GPR78: variants seen among roughly 807,000 people sequenced by gnomAD.
GPR78 encodes the protein G protein-coupled receptor 78.
Under a neutral mutation model 17.9 loss-of-function variants are expected in GPR78, and 29 were observed. That is an observed-to-expected ratio of 1.62 (90% confidence interval 1.20 to 2.21). The LOEUF is 2.21. Ranked by LOEUF, GPR78 falls within the 30% of genes most tolerant of loss-of-function variation. GPR78 has a pLI of 0.00. For synonymous variants in GPR78, 349 were observed against 256.9 expected, an observed-to-expected ratio of 1.36 and a Z score of -3.43; for missense variants, 649 against 530.5, an observed-to-expected ratio of 1.22 and a Z score of -2.19.
intron 1 of GPR78, among the ~76,000 whole-genome samples, chr4:8,582,099 C>G (rs1028809159): frequency 4.6e-5 from 7 of 152,162 alleles, no homozygotes; most frequent in Admixed American, 4.6e-4. Flanking sequence ...TCCTGAATCT[C>G]TAGCTGGTGT....
In GPR78 at chr4:8,587,239, A is replaced by C. The variant is rs772087532; in HGVS notation, c.968A>C (p.His323Pro). ...LKRTPRPAST[H>P]DSSLDVAGMV... Reference sequence around the variant, plus strand: ...AGAACCCCGCGCCCAGCATCCACCCATGACAGCTCTCTGGATGTGGCCGGC... The same window carrying C: ...AGAACCCCGCGCCCAGCATCCACCCCTGACAGCTCTCTGGATGTGGCCGGC... The change falls in exon 3 of 3, where the codon CAT becomes CCT. Residue 323 changes from histidine (H) to proline (P), a missense_variant. Physicochemically the swap from His to Pro is moderately conservative, Grantham distance 77 (BLOSUM62 -2). Coordinates refer to ENST00000382487, the MANE Select transcript of GPR78 (RefSeq NM_080819.5). 6.2e-7 allele frequency: 1 copy of C among 1,606,380 alleles called. No homozygotes were observed. The highest frequency in any genetic ancestry group is 8.5e-7 in the Non-Finnish European group (1 of 1,174,688).
At chr4:8,581,701 C>T (rs1713298008) in intron 1 of GPR78, 51 bp downstream of exon 1, 2 of 1,368,612 alleles carry the variant, frequency 1.5e-6, no homozygotes, top group Non-Finnish European at 1.9e-6. Context: ...TTGGGCGCTC[C>T]CTGGGCAGTT....
chr4:8,582,843 C>T, intron 2 of GPR78, 199 bp downstream of exon 2: 1 of 572,140 alleles, frequency 1.7e-6, no homozygotes, highest in Admixed American at 3.0e-5. Context: ...TGGCTCCCAT[C>T]CTGTCCTATA....
intron 2 of GPR78, among the ~76,000 whole-genome samples, chr4:8,585,004 G>A (rs184753511): frequency 3.9e-4 from 60 of 152,340 alleles, no homozygotes; most frequent in African/African-American, 1.3e-3. Flanking sequence ...CAGTTCATGC[G>A]GATAAAGCAG....
chr4:8,580,818 A>G lies in GPR78; in HGVS notation c.-165A>G, dbSNP rs1268318289. The G allele has an allele frequency of 7.1e-6, 5 of 706,774 alleles. No individual in the cohort carries two copies. Among genetic ancestry groups the G allele is most frequent in the Non-Finnish European group, 1.1e-5 (5 of 442,206 alleles). The allele number at this position is 706,774 out of a possible 1,614,324, so 43.8% of individuals were successfully genotyped here. ...TCCCCCCGGGTGCCCCGGACCCTGC[A>G]CTTGCCGCCGCTTTCCTCGCGCTGC... On this transcript the variant is annotated 5_prime_UTR_variant, in exon 1 of 3. Coordinates refer to ENST00000382487, the MANE Select transcript of GPR78 (RefSeq NM_080819.5).
Position 8,581,039 on chromosome 4 carries a change from GCTGCTAT to G in GPR78, c.59_65del (p.Leu20ProfsTer25). On this transcript the variant is annotated frameshift_variant, in exon 1 of 3. Coordinates refer to ENST00000382487, the MANE Select transcript of GPR78 (RefSeq NM_080819.5). LOFTEE classifies it high-confidence loss of function. The stretch of plus-strand genomic sequence containing the variant: ...TCCTGGTGATGGTACTGGCCGTGGC[GCTGCTAT>G]CCAACGCACTGGTGCTGCTTTGTTG... 1 of 1,603,330 alleles carries G rather than the reference GCTGCTAT, an allele frequency of 6.2e-7. No homozygotes were observed. The highest frequency in any genetic ancestry group is 8.5e-7 in the Non-Finnish European group (1 of 1,177,238).
At position 8,580,742 on chromosome 4, in the gene GPR78, C is replaced by T. The variant is rs146811073; in HGVS notation, c.-241C>T. ...AGCACCCTGGACAGCACCGCGGTTG[C>T]GCTGCCTCCAGGGCGGCCCCGGGCT... is the stretch of plus-strand genomic sequence containing the variant. On this transcript the variant is annotated 5_prime_UTR_variant, in exon 1 of 3. Coordinates refer to ENST00000382487, the MANE Select transcript of GPR78 (RefSeq NM_080819.5). 3 of 551,930 alleles carry T rather than the reference C, an allele frequency of 5.4e-6. No individual in the cohort carries two copies. Among genetic ancestry groups the T allele is most frequent in the South Asian group, 5.0e-5 (2 of 39,816 alleles). 34.2% of individuals were successfully genotyped at this position (551,930 alleles called of 1,614,324 possible). A position where few individuals can be genotyped will look rare whatever the true frequency, so the allele number is the denominator to read the frequency against.
intron 1 of GPR78, among the ~76,000 whole-genome samples, chr4:8,582,120 C>G (rs1713318187): frequency 6.6e-6 from 1 of 152,124 alleles, no homozygotes; most frequent in Admixed American, 6.5e-5. Flanking sequence ...CGCCATTGTT[C>G]CAAATTACCT....
Position 8,587,315 on chromosome 4 carries a change from C to T in GPR78, c.1044C>T (p.Asn348=), listed in dbSNP as rs372186961. 4.1e-5 allele frequency: 66 copies of T among 1,613,056 alleles called. No individual in the cohort carries two copies. Among genetic ancestry groups the T allele is most frequent in the African/African-American group, 1.3e-4 (10 of 74,948 alleles). Residue 348 remains asparagine, a synonymous_variant, in exon 3 of 3, where the codon AAC becomes AAT. Coordinates refer to ENST00000382487, the MANE Select transcript of GPR78 (RefSeq NM_080819.5). ...KRTPRPASTH[N]GSVDTENDSC... is the part of the protein sequence containing the mutation. ...CCCCGCGCCCAGCGTCCACCCACAACGGCTCTGTGGACACAGAGAATGATT... is the reference window on the plus strand; with the variant it reads ...CCCCGCGCCCAGCGTCCACCCACAATGGCTCTGTGGACACAGAGAATGATT...
chr4:8,581,547 T>C lies in GPR78; in HGVS notation c.565T>C (p.Cys189Arg), dbSNP rs780772782. Reference sequence around the variant, plus strand: ...CTTCGTGCTGCCGCTGGCGGTGCTCTGCCTCACCTCGCTCCAGGTGCACCG... The same window carrying C: ...CTTCGTGCTGCCGCTGGCGGTGCTCCGCCTCACCTCGCTCCAGGTGCACCG... ...VGFVLPLAVL[C>R]LTSLQVHRVA... The change falls in exon 1 of 3, where the codon TGC becomes CGC. Residue 189 changes from cysteine to arginine, a missense_variant. By Grantham distance (180) the Cys-to-Arg change is radical. Coordinates refer to ENST00000382487, the MANE Select transcript of GPR78 (RefSeq NM_080819.5). 1 of 1,586,290 alleles carries C rather than the reference T, an allele frequency of 6.3e-7. No individual in the cohort carries two copies.
intron 1 of GPR78, among the ~76,000 whole-genome samples, 197 bp downstream of exon 1, chr4:8,581,847 G>A (rs1713306478): frequency 8.1e-6 from 1 of 123,276 alleles, no homozygotes; most frequent in Non-Finnish European, 1.9e-5. Context: ...TCTGCCTCCT[G>A]GGATATGTGC....
In GPR78 at chr4:8,581,242, C is replaced by A; in HGVS notation, c.260C>A (p.Thr87Asn). The change falls in exon 1 of 3, where the codon ACC becomes AAC. Residue 87 changes from threonine (T) to asparagine (N), a missense_variant. By Grantham distance (65) the Thr-to-Asn change is moderately conservative. Coordinates refer to ENST00000382487, the MANE Select transcript of GPR78 (RefSeq NM_080819.5). ...GACQVIGFLDTFLASNAALSV... is the reference protein window; with the variant it reads ...GACQVIGFLDNFLASNAALSV... The stretch of plus-strand genomic sequence containing the variant: ...TGCCAAGTCATTGGCTTCCTGGACA[C>A]CTTCCTGGCGTCCAACGCGGCGCTG... 1 of 1,594,732 alleles carries A rather than the reference C, an allele frequency of 6.3e-7. No homozygotes were observed. The highest frequency in any genetic ancestry group is 8.5e-7 in the Non-Finnish European group (1 of 1,175,496).
intron 2 of GPR78, among the ~76,000 whole-genome samples, chr4:8,584,645 GC>G (rs1336290986): frequency 6.6e-6 from 1 of 152,226 alleles, no homozygotes; most frequent in Non-Finnish European, 1.5e-5. Flanking sequence ...TTGAGGGCTG[GC>G]GCCTGGGAGC....
chr4:8,585,864 C>G (rs894944405), intron 2 of GPR78, among the ~76,000 whole-genome samples: 1 of 152,194 alleles, frequency 6.6e-6, no homozygotes. Flanking sequence ...CATTGCTGCA[C>G]CCCAGCAGCT....
chr4:8,587,352 C>A lies in GPR78; in HGVS notation c.1081C>A (p.Gln361Lys), dbSNP rs146753544. The A allele has an allele frequency of 7.4e-6, 12 of 1,612,312 alleles. 1 individual carries two copies. In the African/African-American group the frequency reaches 1.6e-4, roughly 22 times the overall value. Residue 361 changes from glutamine to lysine, a missense_variant, in exon 3 of 3, where the codon CAG becomes AAG. Physicochemically the swap from Gln to Lys is moderately conservative, Grantham distance 53. Coordinates refer to ENST00000382487, the MANE Select transcript of GPR78 (RefSeq NM_080819.5). ...CACAGAGAATGATTCCTGCCTGCAGCAGACACACTGAGGGCCTGGCAGGGC... is the reference window on the plus strand; with the variant it reads ...CACAGAGAATGATTCCTGCCTGCAGAAGACACACTGAGGGCCTGGCAGGGC... ...VDTENDSCLQQTH is the reference protein window; with the variant it reads ...VDTENDSCLQKTH
At chr4:8,585,737 C>T (rs1045930715) in intron 2 of GPR78, among the ~76,000 whole-genome samples, 6 of 152,054 alleles carry the variant, frequency 3.9e-5, no homozygotes, top group Non-Finnish European at 5.9e-5. Flanking sequence ...TTCTCTCTGT[C>T]GTCACATTCT....
chr4:8,581,303 A>C lies in GPR78; in HGVS notation c.321A>C (p.Ala107=), dbSNP rs775088895. 64 of 1,585,150 alleles carry C rather than the reference A, an allele frequency of 4.0e-5. No homozygotes were observed. Among genetic ancestry groups the C allele is most frequent in the Non-Finnish European group, 5.3e-5 (62 of 1,172,014 alleles). The change falls in exon 1 of 3, where the codon GCA becomes GCC. Residue 107 remains alanine (A), a synonymous_variant. Transcript: ENST00000382487. ...VAALSADQWL[A]VGFPLRYAGR... ...CGCTGAGCGCAGACCAGTGGCTGGC[A>C]GTGGGCTTCCCACTGCGCTACGCCG...
In GPR78 at chr4:8,581,345, C is replaced by G; in HGVS notation, c.363C>G (p.Arg121=). 6.3e-7 allele frequency: 1 copy of G among 1,577,062 alleles called. No individual in the cohort carries two copies. Among genetic ancestry groups the G allele is most frequent in the Non-Finnish European group, 8.6e-7 (1 of 1,167,634 alleles). The change falls in exon 1 of 3, where the codon CGC becomes CGG. Residue 121 remains arginine, a synonymous_variant. Transcript: ENST00000382487. Reference sequence around the variant, plus strand: ...GCTACGCCGGACGCCTGCGACCGCGCTATGCCGGCCTGCTGCTGGGCTGTG... The same window carrying G: ...GCTACGCCGGACGCCTGCGACCGCGGTATGCCGGCCTGCTGCTGGGCTGTG... ...PLRYAGRLRP[R]YAGLLLGCAW...
In GPR78 at chr4:8,587,506, G is replaced by A. The variant is rs1373918482; in HGVS notation, c.*143G>A. 3.7e-6 allele frequency: 3 copies of A among 817,288 alleles called. No homozygotes were observed. Among genetic ancestry groups the A allele is most frequent in the Non-Finnish European group, 5.7e-6 (3 of 522,780 alleles). The allele number at this position is 817,288 out of a possible 1,614,324, so 50.6% of individuals were successfully genotyped here. A position where few individuals can be genotyped will look rare whatever the true frequency, so the allele number is the denominator to read the frequency against. ...GGCTGAAGTACAGGAGGAGGAGGAG[G>A]AGAGGGCCGGATGTGGGTGTGGACA... On this transcript the variant is annotated 3_prime_UTR_variant, in exon 3 of 3. Coordinates refer to ENST00000382487, the MANE Select transcript of GPR78 (RefSeq NM_080819.5).
Sources: gnomAD v4.1 joint callset for allele counts (sites outside exome capture counted in the v4.1 genomes callset) on GRCh38, gnomAD v4.1.1 for gene constraint, MANE v1.5 for transcripts, NCBI Gene and HGNC (gene_info 2026-07-23, HGNC 2026-07-21) for gene names.